Variants in UNC13B observed in about 807,000 individuals in gnomAD.
The protein encoded by UNC13B is unc-13 homolog B, also known as protein unc-13 homolog B.
A neutral mutation model predicts 211.0 loss-of-function variants in UNC13B; 144 were observed. That is an observed-to-expected ratio of 0.68 (90% CI 0.60 to 0.78). The LOEUF (loss-of-function observed/expected upper bound fraction) is 0.78, where lower values mean the gene tolerates loss of function less well. Among genes scored for constraint, UNC13B ranks in the 30% least tolerant of loss-of-function variants. The pLI is 0.00. For missense variants in UNC13B, 1,777 were observed against 2,002.0 expected, an observed-to-expected ratio of 0.89 and a Z score of 2.14; for synonymous variants, 709 against 725.8, an observed-to-expected ratio of 0.98 and a Z score of 0.37.
intron 7 of UNC13B, among the ~76,000 whole-genome samples, chr9:35,285,949 G>A (rs1828767216): frequency 6.6e-6 from 1 of 152,120 alleles, no homozygotes; most frequent in South Asian, 2.1e-4. Flanking sequence ...GAGTTTGGTG[G>A]TTTTGGACAT....
At chr9:35,275,180 T>G (rs1489610763) in intron 7 of UNC13B, among the ~76,000 whole-genome samples, 1 of 152,166 alleles carries the variant, frequency 6.6e-6, no homozygotes, top group Non-Finnish European at 1.5e-5. Context: ...ATCACTTGTT[T>G]CTAGGAAATG....
At chr9:35,244,123 G>T (rs1172829977) in intron 6 of UNC13B, among the ~76,000 whole-genome samples, 1 of 151,902 alleles carries the variant, frequency 6.6e-6, no homozygotes. Flanking sequence ...TTAAAGAACA[G>T]GAACAAAATC....
chr9:35,274,463 A>T (rs898831675), intron 7 of UNC13B, among the ~76,000 whole-genome samples: 1 of 152,180 alleles, frequency 6.6e-6, no homozygotes, highest in Non-Finnish European at 1.5e-5. Flanking sequence ...ATCTCTCACC[A>T]TAATTGAATT....
At chr9:35,277,621 G>A (rs1156535010) in intron 7 of UNC13B, among the ~76,000 whole-genome samples, 3 of 151,576 alleles carry the variant, frequency 2.0e-5, no homozygotes, top group Admixed American at 2.0e-4. Flanking sequence ...ATTTTCTCGG[G>A]GGGTTCTTGT....
At chr9:35,365,110 C>A (rs1196398538) in intron 11 of UNC13B, among the ~76,000 whole-genome samples, 1 of 152,192 alleles carries the variant, frequency 6.6e-6, no homozygotes. Context: ...CTTCTGTAGC[C>A]CTGTTACGTG....
chr9:35,403,478 A>G lies in UNC13B; in HGVS notation c.12616A>G (p.Met4206Val), dbSNP rs888437438. The change falls in exon 39 of 40, where the codon ATG becomes GTG. Residue 4206 changes from methionine (M) to valine (V), a missense_variant. Physicochemically the swap from Met to Val is conservative, Grantham distance 21. Coordinates refer to ENST00000635942, the MANE Select transcript of UNC13B (RefSeq NM_001371189.2). The part of the protein sequence containing the change: ...ANDLKWQTAG[M>V]FRPFVEVTMV... ...TGACCTCAAGTGGCAGACAGCGGGTATGTTCCGGCCTTTCGTGGAGGTGAC... is the reference window on the plus strand; with the variant it reads ...TGACCTCAAGTGGCAGACAGCGGGTGTGTTCCGGCCTTTCGTGGAGGTGAC... 2.4e-5 allele frequency: 38 copies of G among 1,613,970 alleles called. No individual in the cohort carries two copies. Among genetic ancestry groups the G allele is most frequent in the Non-Finnish European group, 3.1e-5 (37 of 1,179,954 alleles).
chr9:35,352,272 A>G (rs1363188549), intron 11 of UNC13B: 1 of 1,232,072 alleles, frequency 8.1e-7, no homozygotes, highest in African/African-American at 1.6e-5. Context: ...CTTTGTGTTA[A>G]TGGCATGCAG....
At chr9:35,363,363 GT>G (rs1833555855) in intron 11 of UNC13B, among the ~76,000 whole-genome samples, 1 of 152,084 alleles carries the variant, frequency 6.6e-6, no homozygotes, top group Non-Finnish European at 1.5e-5. Flanking sequence ...TTAAAGGATT[GT>G]TTGCCTAATT....
intron 1 of UNC13B, among the ~76,000 whole-genome samples, chr9:35,197,080 A>G (rs1315750203): frequency 6.6e-6 from 1 of 152,212 alleles, no homozygotes; most frequent in African/African-American, 2.4e-5. Flanking sequence ...CTAAATATTT[A>G]TTTTAAATTA....
At chr9:35,177,188 G>A (rs1821684145) in intron 1 of UNC13B, among the ~76,000 whole-genome samples, 1 of 152,152 alleles carries the variant, frequency 6.6e-6, no homozygotes, top group South Asian at 2.1e-4. Context: ...TCAGGATCCT[G>A]CTGAGACAGG....
chr9:35,383,614 A>G (rs1834997015), intron 21 of UNC13B, among the ~76,000 whole-genome samples: 1 of 152,202 alleles, frequency 6.6e-6, no homozygotes, highest in East Asian at 1.9e-4. Context: ...AACATCCTGC[A>G]GGCATATGAT....
intron 8 of UNC13B, among the ~76,000 whole-genome samples, chr9:35,299,647 A>G (rs1829574515): frequency 6.6e-6 from 1 of 152,204 alleles, no homozygotes; most frequent in East Asian, 1.9e-4. Flanking sequence ...TCTCATATGG[A>G]ATAAACTATT....
chr9:35,342,120 G>A, intron 11 of UNC13B: 3 of 985,420 alleles, frequency 3.0e-6, no homozygotes, highest in Middle Eastern at 5.2e-4. Context: ...GAGCCAGCCA[G>A]CTGGGTGCAA....
rs540881772 is a variant in UNC13B at position 35,246,861 on chromosome 9, A to C, written c.468+3497A>C. Among the ~76,000 whole-genome samples the C allele has an allele frequency of 8.5e-3, 1,290 of 152,232 alleles. 12 individuals carry two copies. Among genetic ancestry groups the C allele is most frequent in the African/African-American group, 0.029 (1,220 of 41,542 alleles). On this transcript the variant is annotated intron_variant, in intron 6 of 39. Transcript: ENST00000635942. ...TCTTTTTTGGTTCCATATGAACTTT[A>C]AAGTAGTTTTTTCCAATTCTGTGAA...
At chr9:35,282,288 TA>T (rs754861328) in intron 7 of UNC13B, among the ~76,000 whole-genome samples, 3 of 152,204 alleles carry the variant, frequency 2.0e-5, no homozygotes, top group Non-Finnish European at 4.4e-5. Context: ...TAAAAGTACC[TA>T]CTATCCCAAC....
chr9:35,391,154 TATGACA>T (rs1835507399), intron 26 of UNC13B, among the ~76,000 whole-genome samples: 1 of 152,218 alleles, frequency 6.6e-6, no homozygotes, highest in Admixed American at 6.5e-5. Context: ...TCTGGATTAG[TATGACA>T]ATGCCAGGAA....
intron 26 of UNC13B, among the ~76,000 whole-genome samples, chr9:35,396,018 C>T (rs1205465216): frequency 2.0e-5 from 3 of 152,160 alleles, no homozygotes; most frequent in East Asian, 1.9e-4. Context: ...GTCACTGACC[C>T]ATTCATGCCA....
chr9:35,193,284 G>A (rs1822756200), intron 1 of UNC13B, among the ~76,000 whole-genome samples: 1 of 152,082 alleles, frequency 6.6e-6, no homozygotes, highest in Non-Finnish European at 1.5e-5. Flanking sequence ...AATGGTTCTG[G>A]TTAACTTCTG....
intron 1 of UNC13B, among the ~76,000 whole-genome samples, chr9:35,196,861 C>T (rs889930031): frequency 6.6e-6 from 1 of 152,132 alleles, no homozygotes; most frequent in African/African-American, 2.4e-5. Context: ...TCCTTGACCT[C>T]CTAGGCTCAA....
Sources: allele counts gnomAD v4.1 joint callset (sites outside exome capture counted in the v4.1 genomes callset), GRCh38; gene constraint gnomAD v4.1.1; transcripts MANE v1.5; gene names NCBI Gene and HGNC (gene_info 2026-07-23, HGNC 2026-07-21).